The following PATJ variants were observed in gnomAD, a reference collection of about 807,000 sequenced individuals.
PATJ encodes PATJ crumbs cell polarity complex component, also known as inaD-like protein.
In PATJ, 190 loss-of-function variants were observed where a neutral mutation model predicts 224.9. The observed-to-expected ratio is 0.84, with a 90% confidence interval of 0.75 to 0.95. PATJ has a LOEUF of 0.95. PATJ is among the 40% of genes least tolerant of loss of function. The pLI is 0.00. For missense variants in PATJ, 2,121 were observed against 2,270.3 expected, an observed-to-expected ratio of 0.93 and a Z score of 1.34; for synonymous variants, 769 against 820.3, an observed-to-expected ratio of 0.94 and a Z score of 1.07.
At chr1:62,037,778 A>G (rs926373594) in intron 29 of PATJ, among the ~76,000 whole-genome samples, 199 bp from the exon 30 acceptor site, 7 of 152,118 alleles carry the variant, frequency 4.6e-5, no homozygotes, top group Admixed American at 4.6e-4. Flanking sequence ...GTATCCTTTG[A>G]GCTACACATA....
chr1:61,748,197 T>C (rs563250448), intron 1 of PATJ, among the ~76,000 whole-genome samples: 1 of 151,558 alleles, frequency 6.6e-6, no homozygotes, highest in Admixed American at 6.6e-5. Flanking sequence ...CTTAAGAGGG[T>C]TTAGTTTACC....
Position 61,884,240 on chromosome 1 carries a change from T to C in PATJ, c.2963T>C (p.Met988Thr). The change falls in exon 22 of 44, where the codon ATG (methionine) becomes ACG (threonine). Residue 988 changes from methionine (M) to threonine (T), a missense_variant. Coordinates refer to ENST00000642238, the MANE Select transcript of PATJ (RefSeq NM_001350145.3). ...GTCATCTGGATTTGCTCTTCAGGCA[T>C]GATCCCGAATGATGTCCAAGGTCCT... is the stretch of plus-strand genomic sequence containing the variant. ...SLAKTSLDLG[M>T]IPNDVQGPSL... The C allele has an allele frequency of 5.6e-6, 9 of 1,597,044 alleles. No homozygotes were observed. Among genetic ancestry groups the C allele is most frequent in the African/African-American group, 1.3e-5 (1 of 74,478 alleles).
At chr1:62,017,535 A>G (rs969018910) in intron 28 of PATJ, among the ~76,000 whole-genome samples, 1 of 151,470 alleles carries the variant, frequency 6.6e-6, no homozygotes, top group African/African-American at 2.4e-5. Context: ...ACCAACCCCA[A>G]CCTAGCCAAT....
chr1:61,848,919 A>G (rs982895808), intron 17 of PATJ, among the ~76,000 whole-genome samples: 1 of 152,216 alleles, frequency 6.6e-6, no homozygotes, highest in African/African-American at 2.4e-5. Context: ...TCAGTTGACC[A>G]TTATTAAGTT....
At chr1:62,106,204 T>C (rs1420901877) in intron 33 of PATJ, among the ~76,000 whole-genome samples, 1 of 86,016 alleles carries the variant, frequency 1.2e-5, no homozygotes, top group Non-Finnish European at 2.6e-5. Context: ...GCACAGCGGC[T>C]CATACCTGTA....
chr1:61,756,688 C>T (rs944540921), intron 1 of PATJ, among the ~76,000 whole-genome samples: 2 of 147,004 alleles, frequency 1.4e-5, no homozygotes, highest in Non-Finnish European at 3.0e-5. Context: ...AAGTGATTCT[C>T]TCTCCTTAGC....
chr1:61,845,356 C>T (rs1355388282), intron 17 of PATJ, among the ~76,000 whole-genome samples: 1 of 152,086 alleles, frequency 6.6e-6, no homozygotes, highest in African/African-American at 2.4e-5. Flanking sequence ...AGACCAAAAA[C>T]AATACTAATT....
Position 62,128,033 on chromosome 1 carries a change from T to A in PATJ, c.5105T>A (p.Ile1702Asn). 6.2e-7 allele frequency: 1 copy of A among 1,614,076 alleles called. No individual in the cohort carries two copies. Residue 1702 changes from isoleucine (I) to asparagine (N), a missense_variant, in exon 40 of 44, where the codon ATC becomes AAC. Ile to Asn is a moderately radical substitution (Grantham distance 149). Transcript: ENST00000642238. Reference protein sequence around the residue: ...AGGRGSPLGDIPVFIAMIQAS... With the variant: ...AGGRGSPLGDNPVFIAMIQAS... ...GGAAGAGGAAGTCCCTTAGGAGATA[T>A]CCCCGTATTTATTGCCATGATTCAG...
At chr1:61,991,753 A>G in intron 28 of PATJ, 10 of 984,104 alleles carry the variant, frequency 1.0e-5, no homozygotes, top group Non-Finnish European at 1.1e-5. Flanking sequence ...AAATAAAGTC[A>G]AAGATGACCT....
intron 29 of PATJ, among the ~76,000 whole-genome samples, chr1:62,036,535 A>G (rs967284685): frequency 2.0e-5 from 3 of 152,156 alleles, no homozygotes; most frequent in African/African-American, 7.2e-5. Context: ...ATAAAGTAAC[A>G]GTTGGGTACA....
chr1:61,889,582 A>G (rs1047859598), intron 22 of PATJ, among the ~76,000 whole-genome samples: 2 of 152,218 alleles, frequency 1.3e-5, no homozygotes, highest in Non-Finnish European at 2.9e-5. Flanking sequence ...GAGATTAACA[A>G]CAATAACTGG....
At chr1:61,845,082 G>A (rs1006750375) in intron 17 of PATJ, among the ~76,000 whole-genome samples, 1 of 152,188 alleles carries the variant, frequency 6.6e-6, no homozygotes, top group African/African-American at 2.4e-5. Context: ...ACTATCTGTG[G>A]TTTCAGGTAT....
chr1:62,046,762 C>T (rs1652644297), intron 30 of PATJ, among the ~76,000 whole-genome samples: 1 of 152,178 alleles, frequency 6.6e-6, no homozygotes, highest in African/African-American at 2.4e-5. Flanking sequence ...GGAAAAGATA[C>T]AATGGAACAA....
intron 7 of PATJ, among the ~76,000 whole-genome samples, chr1:61,785,483 C>T (rs938280523): frequency 6.6e-6 from 1 of 152,140 alleles, no homozygotes; most frequent in Non-Finnish European, 1.5e-5. Context: ...GCTTTGTGAC[C>T]TTGGTCAAGT....
chr1:62,023,352 G>A (rs1303360467), intron 29 of PATJ, among the ~76,000 whole-genome samples: 4 of 151,688 alleles, frequency 2.6e-5, no homozygotes, highest in African/African-American at 7.3e-5. Flanking sequence ...TGGTAAACAG[G>A]AAAAAAGAAT....
chr1:62,009,073 G>GA (rs1244605134), intron 28 of PATJ, among the ~76,000 whole-genome samples: 12 of 152,098 alleles, frequency 7.9e-5, no homozygotes, highest in African/African-American at 2.7e-4. Flanking sequence ...GAAGTAAATG[G>GA]AAAAAAATAA....
At chr1:61,983,881 G>A in intron 27 of PATJ, among the ~76,000 whole-genome samples, 1 of 151,960 alleles carries the variant, frequency 6.6e-6, no homozygotes, top group Non-Finnish European at 1.5e-5. Flanking sequence ...CTGGAGTGCA[G>A]TGGCGTGACT....
chr1:61,856,347 C>A lies in PATJ; in HGVS notation c.2322+108C>A, dbSNP rs188358870. The A allele has an allele frequency of 1.4e-3, 1,181 of 836,224 alleles. 3 individuals carry two copies. The highest frequency in any genetic ancestry group is 1.9e-3 in the Non-Finnish European group (995 of 515,772). 51.8% of individuals were successfully genotyped at this position (836,224 alleles called of 1,614,324 possible). ...CCAAGAATTTCTGTTCTACTGTTTA[C>A]TATGTGTGTGACCTTGGGCAGGTTT... On this transcript the variant is annotated intron_variant, in intron 18 of 43. Coordinates refer to ENST00000642238, the MANE Select transcript of PATJ (RefSeq NM_001350145.3).
At chr1:62,091,633 T>C (rs1419268442) in intron 33 of PATJ, among the ~76,000 whole-genome samples, 2 of 152,176 alleles carry the variant, frequency 1.3e-5, no homozygotes, top group Non-Finnish European at 2.9e-5. Flanking sequence ...AAAAAGTGAT[T>C]TGGCTGGGCA....
Sources: gnomAD v4.1 joint callset for allele counts (sites outside exome capture counted in the v4.1 genomes callset) on GRCh38, gnomAD v4.1.1 for gene constraint, MANE v1.5 for transcripts, NCBI Gene and HGNC (gene_info 2026-07-23, HGNC 2026-07-21) for gene names.